KIFC3: variants seen among roughly 807,000 people sequenced by gnomAD.
KIFC3 encodes kinesin-like protein KIFC3.
A neutral mutation model predicts 101.8 loss-of-function variants in KIFC3; 60 were observed. That is an observed-to-expected ratio of 0.59 (90% CI 0.48 to 0.73). The LOEUF is 0.73. KIFC3 is among the 30% of genes least tolerant of loss of function. KIFC3 has a pLI of 0.00. For synonymous variants in KIFC3, 476 were observed against 482.7 expected (o/e 0.99, Z 0.18); for missense variants, 966 against 1,137.1 (o/e 0.85, Z 2.16).
intron 3 of KIFC3, among the ~76,000 whole-genome samples, chr16:57,786,711 G>T (rs1049838114): frequency 1.3e-5 from 2 of 152,188 alleles, no homozygotes; most frequent in South Asian, 4.1e-4. Context: ...CCCTCGGCAG[G>T]CTGGGGTTGG....
chr16:57,861,685 C>T (rs952270287), intron 1 of KIFC3, among the ~76,000 whole-genome samples: 2 of 152,106 alleles, frequency 1.3e-5, no homozygotes, highest in African/African-American at 2.4e-5. Context: ...AGGCCAGGCG[C>T]GGTAGCTCAC....
intron 16 of KIFC3, 37 bp from the exon 17 acceptor site, chr16:57,760,453 G>T (rs373332848): frequency 6.2e-7 from 1 of 1,600,558 alleles, no homozygotes. Context: ...ACCCGGGCCA[G>T]CTGGAGGGGC....
At chr16:57,788,467 C>T in intron 3 of KIFC3, 1 of 1,071,928 alleles carries the variant, frequency 9.3e-7, no homozygotes, top group Non-Finnish European at 1.2e-6. Context: ...TCTAGGCCAC[C>T]TCCAGCCGGG....
intron 1 of KIFC3, among the ~76,000 whole-genome samples, chr16:57,814,583 T>C (rs2055174501): frequency 6.6e-6 from 1 of 152,186 alleles, no homozygotes; most frequent in Non-Finnish European, 1.5e-5. Context: ...ATGTTACAGA[T>C]GAAGAAACTG....
Position 57,795,063 on chromosome 16 carries a change from C to T in KIFC3, c.251G>A (p.Cys84Tyr). The T allele has an allele frequency of 6.2e-7, 1 of 1,605,514 alleles. No homozygotes were observed. ...RSAARPALAQCRALSVDWAGP... is the reference protein window; with the variant it reads ...RSAARPALAQYRALSVDWAGP... ...AGCCCAGTCCACGCTAAGGGCTCGG[C>T]ACTGAGCTAGGGCTGGGCGAGCTGC... The change falls in exon 3 of 20, where the codon TGC becomes TAC. Residue 84 changes from cysteine (C) to tyrosine (Y), a missense_variant. Physicochemically the swap from Cys to Tyr is radical, Grantham distance 194. Coordinates refer to ENST00000445690, the MANE Select transcript of KIFC3 (RefSeq NM_001130100.2).
chr16:57,810,806 G>A (rs1555627720), intron 1 of KIFC3: 4 of 530,578 alleles, frequency 7.5e-6, no homozygotes, highest in African/African-American at 2.1e-5. Context: ...TATTCCCATT[G>A]TACAGATGGA....
At chr16:57,847,512 C>T (rs1425437420) in intron 1 of KIFC3, among the ~76,000 whole-genome samples, 1 of 152,062 alleles carries the variant, frequency 6.6e-6, no homozygotes, top group African/African-American at 2.4e-5. Context: ...AGAAACAACA[C>T]ACATTTGGTG....
intron 1 of KIFC3, among the ~76,000 whole-genome samples, chr16:57,849,588 T>C (rs1456759171): frequency 6.6e-6 from 1 of 152,082 alleles, no homozygotes; most frequent in African/African-American, 2.4e-5. Context: ...CTCTAGAAGA[T>C]AGGGGTAGAG....
At position 57,759,782 on chromosome 16, in the gene KIFC3, T is replaced by G; in HGVS notation, c.2422A>C (p.Ser808Arg). 6.2e-7 allele frequency: 1 copy of G among 1,611,278 alleles called. No homozygotes were observed. Among genetic ancestry groups the G allele is most frequent in the Non-Finnish European group, 8.5e-7 (1 of 1,178,938 alleles). Residue 808 changes from serine to arginine, a missense_variant, in exon 18 of 20, where the codon AGC (serine) becomes CGC (arginine). Physicochemically the swap from Ser to Arg is moderately radical, Grantham distance 110. Transcript: ENST00000445690. ...QPSARAHSAP[S>R]SGTSSRPGSI... ...CCAGGGCGGCTACTGGTCCCAGAGC[T>G]GGGGGCTGAGTGGGCCCGTGCCGAG...
intron 1 of KIFC3, among the ~76,000 whole-genome samples, chr16:57,836,343 G>T (rs548035230): frequency 1.8e-4 from 27 of 152,214 alleles, no homozygotes; most frequent in African/African-American, 6.0e-4. Flanking sequence ...GAACTCCTGG[G>T]CTCAAGAGAT....
At chr16:57,817,912 A>G (rs782573562) in intron 1 of KIFC3, among the ~76,000 whole-genome samples, 10 of 151,880 alleles carry the variant, frequency 6.6e-5, no homozygotes, top group Non-Finnish European at 1.3e-4. Flanking sequence ...TCCACACTAC[A>G]TTGTCTCACC....
At chr16:57,849,324 A>C (rs1430480721) in intron 1 of KIFC3, among the ~76,000 whole-genome samples, 1 of 152,344 alleles carries the variant, frequency 6.6e-6, no homozygotes, top group East Asian at 1.9e-4. Context: ...AGTTTAATGG[A>C]GATAAATTAC....
intron 3 of KIFC3, chr16:57,776,238 A>AC (rs1405399251): frequency 2.0e-6 from 2 of 985,358 alleles, no homozygotes; most frequent in Admixed American, 6.1e-5. Context: ...GATCCAGACA[A>AC]CCTCAAGGAA....
chr16:57,823,761 TTGTGTGTGTGTGTGTGTGTGTGTG>T (rs542476459), intron 1 of KIFC3, among the ~76,000 whole-genome samples: 2 of 136,620 alleles, frequency 1.5e-5, no homozygotes, highest in East Asian at 2.4e-4. Context: ...CCCGGCTACT[TTGTGTGTGTGTGTGTGTGTGTGTG>T]TGTGTGTGTG....
intron 1 of KIFC3, among the ~76,000 whole-genome samples, chr16:57,859,417 C>T (rs1319382975): frequency 6.6e-6 from 1 of 152,210 alleles, no homozygotes; most frequent in Non-Finnish European, 1.5e-5. Context: ...CTCCTTCCTC[C>T]AGCACTTGCT....
At position 57,784,019 on chromosome 16, in the gene KIFC3, C is replaced by G. The variant is rs148421037; in HGVS notation, c.315+10980G>C. ...CTTTCCTCTGCTCTGTCCCAGAGCT[C>G]AGCTCAAGACGCCCAGGGACAAGCC... On this transcript the variant is annotated intron_variant, in intron 3 of 19. Transcript: ENST00000445690. 9.3e-4 allele frequency among the ~76,000 whole-genome samples: 141 copies of G among 152,352 alleles called. 1 individual carries two copies. The highest frequency in any genetic ancestry group is 1.3e-3 in the Non-Finnish European group (91 of 68,030).
intron 2 of KIFC3, among the ~76,000 whole-genome samples, chr16:57,795,602 G>A (rs1395089939): frequency 1.3e-5 from 2 of 152,178 alleles, no homozygotes; most frequent in Admixed American, 6.5e-5. Flanking sequence ...CCCAGCCTCC[G>A]TTGCCTCCCC....
At chr16:57,815,333 C>G (rs1555628566) in intron 1 of KIFC3, 3 of 721,194 alleles carry the variant, frequency 4.2e-6, no homozygotes, top group East Asian at 2.0e-4. Flanking sequence ...ACCAGAGTAG[C>G]TCCGGGTTGC....
intron 1 of KIFC3, among the ~76,000 whole-genome samples, chr16:57,857,789 T>TC (rs1412240403): frequency 1.1e-4 from 15 of 134,464 alleles, no homozygotes; most frequent in African/African-American, 3.6e-4. Flanking sequence ...CTTTTTCTTT[T>TC]TTTTTTTATT....
Sources: gnomAD v4.1 joint callset for allele counts (sites outside exome capture counted in the v4.1 genomes callset) on GRCh38, gnomAD v4.1.1 for gene constraint, MANE v1.5 for transcripts, NCBI Gene and HGNC (gene_info 2026-07-23, HGNC 2026-07-21) for gene names.